Variants in SYNPO2 observed in about 807,000 individuals in gnomAD.
SYNPO2 encodes the protein synaptopodin-2.
In SYNPO2, 56 loss-of-function variants were observed where a neutral mutation model predicts 85.0. The ratio of observed to expected loss-of-function variants is 0.66; its 90% CI spans 0.53 to 0.82. The LOEUF is 0.82. SYNPO2 is among the 40% of genes least tolerant of loss of function. The probability of loss-of-function intolerance (pLI) is 0.00; values close to 1 mark genes in which losing one functional copy is unlikely to be tolerated. For missense variants in SYNPO2, 1,575 were observed against 1,534.2 expected, an observed-to-expected ratio of 1.03 and a Z score of -0.44; for synonymous variants, 602 against 591.1, an observed-to-expected ratio of 1.02 and a Z score of -0.27.
intron 1 of SYNPO2, among the ~76,000 whole-genome samples, chr4:118,974,764 T>C (rs1333271187): frequency 6.6e-6 from 1 of 152,188 alleles, no homozygotes. Flanking sequence ...TGACTTCTGC[T>C]TCTCTACATA....
chr4:119,007,539 T>C (rs1013296845), intron 1 of SYNPO2, among the ~76,000 whole-genome samples: 1 of 152,086 alleles, frequency 6.6e-6, no homozygotes, highest in Admixed American at 6.6e-5. Flanking sequence ...TATGCTTATA[T>C]GGCATAAATC....
At chr4:118,949,624 C>T (rs928809853) in intron 1 of SYNPO2, among the ~76,000 whole-genome samples, 32 of 151,704 alleles carry the variant, frequency 2.1e-4, no homozygotes, top group African/African-American at 7.8e-4. Context: ...TGACACATGC[C>T]TATAATCCCA....
At chr4:119,036,795 G>A (rs1738530222) in intron 4 of SYNPO2, 2 of 1,010,566 alleles carry the variant, frequency 2.0e-6, no homozygotes, top group South Asian at 9.3e-5. Context: ...TAACTACCTG[G>A]CACTTGGAAA....
intron 1 of SYNPO2, among the ~76,000 whole-genome samples, chr4:118,991,261 C>T (rs1736406018): frequency 6.6e-6 from 1 of 152,168 alleles, no homozygotes; most frequent in Admixed American, 6.6e-5. Flanking sequence ...AATTCTCCTG[C>T]CTCAGCCTCC....
In SYNPO2 at chr4:119,027,378, G is replaced by A; in HGVS notation, c.1009G>A (p.Glu337Lys). The change falls in exon 3 of 5, where the codon GAA becomes AAA. Residue 337 changes from glutamate (E) to lysine (K), a missense_variant. Transcript: ENST00000307142. Reference sequence around the variant, plus strand: ...CTCATCAGAAGGCACAGAGCAGGGAGAAGATCCACGCTCGGAAAAAGATCA... The same window carrying A: ...CTCATCAGAAGGCACAGAGCAGGGAAAAGATCCACGCTCGGAAAAAGATCA... Reference protein sequence around the residue: ...AVSSEGTEQGEDPRSEKDHSR... With the variant: ...AVSSEGTEQGKDPRSEKDHSR... 5.6e-6 allele frequency: 9 copies of A among 1,613,308 alleles called. No individual in the cohort carries two copies. Among genetic ancestry groups the A allele is most frequent in the Non-Finnish European group, 7.6e-6 (9 of 1,179,792 alleles).
chr4:118,914,333 T>C (rs1733241050), intron 1 of SYNPO2, among the ~76,000 whole-genome samples: 1 of 152,046 alleles, frequency 6.6e-6, no homozygotes, highest in Non-Finnish European at 1.5e-5. Context: ...CTAGGGATAA[T>C]AGCTGAAATA....
At chr4:118,990,713 A>T (rs1429244955) in intron 1 of SYNPO2, among the ~76,000 whole-genome samples, 1 of 152,164 alleles carries the variant, frequency 6.6e-6, no homozygotes, top group East Asian at 1.9e-4. Context: ...GGTTCAAGCG[A>T]TGCTCGTGCC....
At chr4:118,927,019 A>G (rs984309206) in intron 1 of SYNPO2, among the ~76,000 whole-genome samples, 1 of 152,098 alleles carries the variant, frequency 6.6e-6, no homozygotes, top group East Asian at 1.9e-4. Context: ...ATTGAAATCT[A>G]TTTCTTAGAG....
chr4:119,013,126 C>T (rs749267281), intron 1 of SYNPO2, among the ~76,000 whole-genome samples: 1 of 152,140 alleles, frequency 6.6e-6, no homozygotes, highest in Non-Finnish European at 1.5e-5. Context: ...TTGACATTTG[C>T]ATGGATAGTG....
intron 1 of SYNPO2, among the ~76,000 whole-genome samples, chr4:118,918,040 A>C (rs139124579): frequency 7.4e-4 from 113 of 152,314 alleles, no homozygotes; most frequent in African/African-American, 2.6e-3. Flanking sequence ...GGTAGAAGAG[A>C]AAGTAGGTGA....
chr4:118,908,727 A>G (rs1430595170), intron 1 of SYNPO2, among the ~76,000 whole-genome samples: 1 of 152,154 alleles, frequency 6.6e-6, no homozygotes, highest in Non-Finnish European at 1.5e-5. Flanking sequence ...GCCTTATAGA[A>G]CAGGAGTTAT....
At chr4:118,936,069 C>A (rs897023996) in intron 1 of SYNPO2, among the ~76,000 whole-genome samples, 1 of 152,154 alleles carries the variant, frequency 6.6e-6, no homozygotes, top group Non-Finnish European at 1.5e-5. Context: ...ACAGTTCAAA[C>A]CTGTGTTGCT....
In SYNPO2 at chr4:119,039,324, C is replaced by T. The variant is rs558666529; in HGVS notation, c.3252+7297C>T. Among the ~76,000 whole-genome samples the T allele has an allele frequency of 2.0e-5, 3 of 152,236 alleles. No homozygotes were observed. In the South Asian group the frequency reaches 6.2e-4, roughly 32 times the overall value. ...ATCATCTAATCACAAGGCTATACTA[C>T]CTCCCCTGATTGCAAGAAGACTCAG... On this transcript the variant is annotated intron_variant, in intron 4 of 4. Coordinates refer to ENST00000307142, the MANE Select transcript of SYNPO2 (RefSeq NM_133477.3).
intron 4 of SYNPO2, among the ~76,000 whole-genome samples, chr4:119,053,405 C>T (rs372810167): frequency 2.6e-5 from 4 of 152,326 alleles, no homozygotes; most frequent in Admixed American, 2.0e-4. Flanking sequence ...ATTACTAGCA[C>T]TTGAAAGAAT....
intron 1 of SYNPO2, among the ~76,000 whole-genome samples, chr4:118,876,488 G>A (rs1268662914): frequency 6.6e-6 from 1 of 152,120 alleles, no homozygotes; most frequent in Non-Finnish European, 1.5e-5. Context: ...GGCTTCTCCA[G>A]TAAAATGTAG....
intron 1 of SYNPO2, among the ~76,000 whole-genome samples, chr4:119,021,614 G>A (rs963100970): frequency 1.3e-5 from 2 of 152,158 alleles, no homozygotes; most frequent in African/African-American, 4.8e-5. Context: ...TAGGGCTCCA[G>A]CAGGAAATAG....
intron 1 of SYNPO2, among the ~76,000 whole-genome samples, chr4:118,954,339 T>C (rs1053459129): frequency 4.6e-5 from 7 of 152,112 alleles, no homozygotes; most frequent in Admixed American, 4.6e-4. Flanking sequence ...TTTTTTCCAG[T>C]AACTCCAGAA....
chr4:119,030,393 G>A lies in SYNPO2; in HGVS notation c.1618G>A (p.Glu540Lys). 1 of 1,614,198 alleles carries A rather than the reference G, an allele frequency of 6.2e-7. No individual in the cohort carries two copies. Residue 540 changes from glutamate to lysine, a missense_variant, in exon 4 of 5, where the codon GAG (glutamate) becomes AAG (lysine). By Grantham distance (56) the Glu-to-Lys change is moderately conservative. This residue lies in a region of SYNPO2 where 1,508 missense variants were observed against 1,446.8 expected (regional missense o/e 1.04). Transcript: ENST00000307142. ...AACCACGACTTCTTACCAAAGAAAG[G>A]AGGAAGAGTCGGTAAGAACGCAGAG... ...LRTTTSYQRK[E>K]EESVRTQSSV... is the part of the protein sequence containing the mutation.
At chr4:118,968,814 TTTTTGCAGAAGC>T (rs1442602272) in intron 1 of SYNPO2, among the ~76,000 whole-genome samples, 1 of 152,220 alleles carries the variant, frequency 6.6e-6, no homozygotes, top group African/African-American at 2.4e-5. Context: ...TAAAAACAAA[TTTTTGCAGAAGC>T]AAGCTCAGAC....
Sources: allele counts gnomAD v4.1 joint callset (sites outside exome capture counted in the v4.1 genomes callset), GRCh38; gene constraint gnomAD v4.1.1; regional missense constraint gnomAD v4.1.1; transcripts MANE v1.5; gene names NCBI Gene and HGNC (gene_info 2026-07-23, HGNC 2026-07-21).